Variants in CBR4 observed in about 807,000 individuals in gnomAD.
The protein encoded by CBR4 is 3-oxoacyl-[acyl-carrier-protein] reductase.
CBR4 carries 22 observed loss-of-function variants against 21.0 expected under a neutral mutation model. The observed-to-expected ratio is 1.05, with a 90% CI of 0.75 to 1.50. The LOEUF (loss-of-function observed/expected upper bound fraction) is 1.50, where lower values mean the gene tolerates loss of function less well. CBR4 is among the 40% of genes most tolerant of loss of function. The pLI is 0.00. For synonymous variants in CBR4, 100 were observed against 104.4 expected (o/e 0.96, Z 0.26); for missense variants, 302 against 286.3 (o/e 1.05, Z -0.40).
chr4:168,926,075 C>A, intron 2 of CBR4: 1 of 666,680 alleles, frequency 1.5e-6, no homozygotes, highest in Non-Finnish European at 2.4e-6. Context: ...AAAAGTGTTC[C>A]TAAATTTTCC....
intron 2 of CBR4, among the ~76,000 whole-genome samples, chr4:168,951,397 T>C (rs1434859823): frequency 2.0e-5 from 3 of 152,230 alleles, no homozygotes; most frequent in Non-Finnish European, 4.4e-5. Context: ...CTATTTATAT[T>C]CAATGTTAGT....
At chr4:168,997,099 C>A (rs1765240928) in intron 4 of CBR4, among the ~76,000 whole-genome samples, 1 of 75,888 alleles carries the variant, frequency 1.3e-5, no homozygotes, top group South Asian at 5.9e-4. Context: ...GTGCTCTACT[C>A]CCCTTTTTGC....
chr4:168,925,148 C>T lies in CBR4; in HGVS notation n.170-30383G>A, dbSNP rs925011156. 6.3e-6 allele frequency: 10 copies of T among 1,584,916 alleles called. No homozygotes were observed. The African/African-American group carries it at 1.1e-4, about 17-fold the overall frequency. On this transcript the variant is annotated intron_variant and non_coding_transcript_variant, in intron 2 of 3. Coordinates refer to the CBR4 transcript ENST00000509108. Reference sequence around the variant, plus strand: ...TATGAAAAATTAGACATCTGGACAGCAAATCACATTACTCTTTATAAACAA... The same window carrying T: ...TATGAAAAATTAGACATCTGGACAGTAAATCACATTACTCTTTATAAACAA...
chr4:168,970,190 T>C (rs1200835373), intron 2 of CBR4, among the ~76,000 whole-genome samples: 6 of 152,222 alleles, frequency 3.9e-5, no homozygotes, highest in Non-Finnish European at 1.5e-5. Flanking sequence ...AATCAGTCTT[T>C]GCTATCTTTA....
chr4:168,956,229 C>A (rs183077704), intron 2 of CBR4, among the ~76,000 whole-genome samples: 22 of 152,074 alleles, frequency 1.4e-4, no homozygotes, highest in Admixed American at 1.4e-3. Flanking sequence ...GACTGGAATA[C>A]GAAACATAAT....
chr4:168,951,316 C>CA (rs1763534765), intron 2 of CBR4, among the ~76,000 whole-genome samples: 1 of 152,158 alleles, frequency 6.6e-6, no homozygotes, highest in African/African-American at 2.4e-5. Flanking sequence ...CTCGGCCTCC[C>CA]AAATGCTGGG....
intron 2 of CBR4, chr4:168,914,071 T>TACATTTATAGTA: frequency 1.9e-6 from 2 of 1,066,226 alleles, no homozygotes; most frequent in Admixed American, 1.7e-5. Context: ...TATTTATTAC[T>TACATTTATAGTA]ATAAATGTAG....
At chr4:168,948,021 G>A (rs563213928) in intron 2 of CBR4, among the ~76,000 whole-genome samples, 3 of 152,174 alleles carry the variant, frequency 2.0e-5, no homozygotes, top group Non-Finnish European at 4.4e-5. Flanking sequence ...CCTGATCACC[G>A]CAGCCATGCC....
chr4:168,937,298 G>A (rs1329530893), intron 2 of CBR4, among the ~76,000 whole-genome samples: 1 of 152,060 alleles, frequency 6.6e-6, no homozygotes, highest in African/African-American at 2.4e-5. Flanking sequence ...ACTTACAAGA[G>A]CTCCTGAAGG....
At chr4:168,923,027 G>C (rs1465182541) in intron 2 of CBR4, among the ~76,000 whole-genome samples, 1 of 152,152 alleles carries the variant, frequency 6.6e-6, no homozygotes, top group Non-Finnish European at 1.5e-5. Context: ...GCTTTCCTAA[G>C]GATTAAATCA....
In CBR4 at chr4:169,007,728, A is replaced by C; in HGVS notation, c.171T>G (p.Val57=). The change falls in exon 2 of 5, where the codon GTT becomes GTG. Residue 57 remains valine (V), a synonymous_variant. Coordinates refer to ENST00000306193, the MANE Select transcript of CBR4 (RefSeq NM_032783.5). ...TATTTTGAACATCATGTTCTTTAGC[A>C]ACATCACAGCTAAATGCCAAATGAT... ...GGDHLAFSCD[V]AKEHDVQNTF... The C allele has an allele frequency of 6.3e-7, 1 of 1,588,162 alleles. No homozygotes were observed.
Position 168,990,281 on chromosome 4 carries a change from T to C in CBR4, c.583A>G (p.Lys195Glu), listed in dbSNP as rs756894790. 1 of 1,611,676 alleles carries C rather than the reference T, an allele frequency of 6.2e-7. No individual in the cohort carries two copies. Among genetic ancestry groups the C allele is most frequent in the Non-Finnish European group, 8.5e-7 (1 of 1,178,382 alleles). ...MTKDLKEEHL[K>E]KNIPLGRFGE... ...AACCTCCCAAGAGGAATATTTTTCT[T>C]TAAATGTTCTTCTTTCAAGTCTTTC... The change falls in exon 5 of 5, where the codon AAG becomes GAG. Residue 195 changes from lysine to glutamate, a missense_variant. Physicochemically the swap from Lys to Glu is moderately conservative, Grantham distance 56. Coordinates refer to ENST00000306193, the MANE Select transcript of CBR4 (RefSeq NM_032783.5).
chr4:168,905,054 G>A (rs2151316827), intron 2 of CBR4, among the ~76,000 whole-genome samples: 1 of 151,940 alleles, frequency 6.6e-6, no homozygotes, highest in Middle Eastern at 3.4e-3. Flanking sequence ...TTGAACCTGG[G>A]ATGCGGAGGT....
chr4:168,924,342 G>A lies in CBR4; in HGVS notation n.170-29577C>T, dbSNP rs755223646. The A allele has an allele frequency of 2.2e-5, 35 of 1,613,752 alleles. No individual in the cohort carries two copies. Among genetic ancestry groups the A allele is most frequent in the South Asian group, 3.3e-5 (3 of 91,080 alleles). ...GGGTACCCAGTGCGGCTGGAATGTC[G>A]TGTATTGGGAGTGCCACCACCTCAG... On this transcript the variant is annotated intron_variant and non_coding_transcript_variant, in intron 2 of 3. Coordinates refer to the CBR4 transcript ENST00000509108.
chr4:168,954,069 G>A (rs1315773832), intron 2 of CBR4, among the ~76,000 whole-genome samples: 1 of 151,632 alleles, frequency 6.6e-6, no homozygotes, highest in Non-Finnish European at 1.5e-5. Flanking sequence ...GAGAAAGAGA[G>A]ATTTATGGAA....
chr4:168,894,714 A>G (rs958807230), exon 3 of CBR4: 8 of 1,602,352 alleles, frequency 5.0e-6, no homozygotes, highest in Non-Finnish European at 6.8e-6. Context: ...GGTAACATTT[A>G]TTCTGTCCCC....
chr4:168,991,720 G>A (rs752582206), intron 4 of CBR4, among the ~76,000 whole-genome samples: 105 of 152,066 alleles, frequency 6.9e-4, no homozygotes, highest in Admixed American at 5.2e-4. Flanking sequence ...TTAATAAAAT[G>A]CTTAGCCCAT....
chr4:168,940,934 A>G (rs1763246707), intron 2 of CBR4, among the ~76,000 whole-genome samples: 1 of 152,082 alleles, frequency 6.6e-6, no homozygotes, highest in South Asian at 2.1e-4. Flanking sequence ...TACTGGGCAT[A>G]TACCCAAAGG....
rs530747931 is a variant in CBR4, at chr4:168,899,977, A to T, written n.170-5212T>A. 2.0e-5 allele frequency among the ~76,000 whole-genome samples: 3 copies of T among 152,296 alleles called. No individual in the cohort carries two copies. The East Asian group carries it at 5.8e-4, about 29-fold the overall frequency. The stretch of plus-strand genomic sequence containing the variant: ...TGGCTCACAGTTCTGCATGGTATAC[A>T]GAAGTGTAGTACCAGAATCTTCTCC... On this transcript the variant is annotated intron_variant and non_coding_transcript_variant, in intron 2 of 3. Coordinates refer to the CBR4 transcript ENST00000509108.
Sources: gnomAD v4.1 joint callset for allele counts (sites outside exome capture counted in the v4.1 genomes callset) on GRCh38, gnomAD v4.1.1 for gene constraint, MANE v1.5 for transcripts, NCBI Gene and HGNC (gene_info 2026-07-23, HGNC 2026-07-21) for gene names.